SLC30A9: variants seen among roughly 807,000 people sequenced by gnomAD.
SLC30A9 encodes the protein solute carrier family 30 member 9.
In SLC30A9, 58 loss-of-function variants were observed where a neutral mutation model predicts 87.5. The observed-to-expected ratio is 0.66, with a 90% CI of 0.54 to 0.82. The LOEUF (loss-of-function observed/expected upper bound fraction) is 0.82. Among genes scored for constraint, SLC30A9 ranks in the 40% least tolerant of loss-of-function variants. The pLI is 0.00. For synonymous variants in SLC30A9, 234 were observed against 233.0 expected (o/e 1.00, Z -0.04); for missense variants, 557 against 679.1 (o/e 0.82, Z 2.00).
chr4:42,018,984 G>A (rs1464569172), intron 3 of SLC30A9, among the ~76,000 whole-genome samples: 4 of 67,328 alleles, frequency 5.9e-5, no homozygotes, highest in Admixed American at 1.9e-4. Flanking sequence ...TGAAACTCAC[G>A]CAAAAAAAAA....
chr4:42,061,709 C>A (rs1717859469), intron 10 of SLC30A9, among the ~76,000 whole-genome samples: 2 of 151,084 alleles, frequency 1.3e-5, no homozygotes, highest in Admixed American at 6.6e-5. Flanking sequence ...ACCAGCCTGA[C>A]CAACATGGAG....
intron 1 of SLC30A9, among the ~76,000 whole-genome samples, chr4:41,992,255 C>T (rs766304711): frequency 9.9e-5 from 15 of 151,458 alleles, no homozygotes; most frequent in Non-Finnish European, 1.9e-4. Context: ...GTGGGAGGAT[C>T]GCTTGAGCCC....
intron 4 of SLC30A9, 128 bp from the exon 5 acceptor site, chr4:42,022,710 C>T (rs1716024702): frequency 2.1e-6 from 1 of 480,410 alleles, no homozygotes; most frequent in Non-Finnish European, 3.8e-6. Flanking sequence ...CTTTAAAAGC[C>T]ATTCACATCA....
At chr4:42,054,422 C>G (rs1374830638) in intron 9 of SLC30A9, among the ~76,000 whole-genome samples, 1 of 151,494 alleles carries the variant, frequency 6.6e-6, no homozygotes, top group Non-Finnish European at 1.5e-5. Flanking sequence ...AATTTTACCT[C>G]AAAAAAATTC....
intron 2 of SLC30A9, among the ~76,000 whole-genome samples, chr4:42,017,418 AG>A (rs2153134937): frequency 7.0e-6 from 1 of 143,042 alleles, no homozygotes; most frequent in South Asian, 2.2e-4. Flanking sequence ...AGTTTTTCTG[AG>A]TTTTAATTTG....
chr4:42,050,981 G>A (rs560412787), intron 9 of SLC30A9, among the ~76,000 whole-genome samples: 1 of 152,272 alleles, frequency 6.6e-6, no homozygotes, highest in East Asian at 1.9e-4. Flanking sequence ...AGTCTACATA[G>A]GGATTTCCTT....
chr4:42,086,879 C>T lies in SLC30A9; in HGVS notation c.*753C>T, dbSNP rs1428633842. 2 of 152,066 alleles carry T rather than the reference C, an allele frequency of 1.3e-5. No individual in the cohort carries two copies. Among genetic ancestry groups the T allele is most frequent in the East Asian group, 3.9e-4 (2 of 5,190 alleles). The allele number at this position is 152,066 out of a possible 1,614,324, so 9.4% of individuals were successfully genotyped here. A position where few individuals can be genotyped will look rare whatever the true frequency, so the allele number is the denominator to read the frequency against. On this transcript the variant is annotated 3_prime_UTR_variant, in exon 18 of 18. Coordinates refer to ENST00000264451, the MANE Select transcript of SLC30A9 (RefSeq NM_006345.4). ...TATAGTCCTAGATATTTCCATGGGC[C>T]AGTGTGATGACTTTTTTTTAAATGA...
chr4:42,023,030 A>G (rs1365066184), intron 5 of SLC30A9, 100 bp downstream of exon 5: 2 of 696,240 alleles, frequency 2.9e-6, no homozygotes, highest in Non-Finnish European at 4.7e-6. Context: ...GACTTTTTAA[A>G]AACAATATTT....
intron 9 of SLC30A9, among the ~76,000 whole-genome samples, chr4:42,055,949 G>A (rs917953433): frequency 6.6e-6 from 1 of 152,150 alleles, no homozygotes; most frequent in African/African-American, 2.4e-5. Context: ...CAAATGCTCT[G>A]TAGGTTATAT....
chr4:42,007,203 G>T (rs1715245586), intron 2 of SLC30A9, among the ~76,000 whole-genome samples: 1 of 152,140 alleles, frequency 6.6e-6, no homozygotes, highest in African/African-American at 2.4e-5. Flanking sequence ...TTAGGACTTA[G>T]TAATTGAATC....
intron 5 of SLC30A9, 99 bp from the exon 6 acceptor site, chr4:42,023,203 A>T: frequency 1.2e-6 from 1 of 866,342 alleles, no homozygotes; most frequent in Non-Finnish European, 1.9e-6. Flanking sequence ...AGCACCTTAC[A>T]CTTTGTTGTA....
chr4:42,034,999 A>G (rs1716620377), intron 6 of SLC30A9, among the ~76,000 whole-genome samples: 1 of 152,010 alleles, frequency 6.6e-6, no homozygotes, highest in African/African-American at 2.4e-5. Flanking sequence ...GTGATATCTC[A>G]TTGTGGTTTT....
chr4:42,051,863 G>C (rs1185634878), intron 9 of SLC30A9, among the ~76,000 whole-genome samples: 1 of 151,940 alleles, frequency 6.6e-6, no homozygotes, highest in Non-Finnish European at 1.5e-5. Context: ...AATGAGGCTA[G>C]TATAACCCTG....
chr4:42,067,030 G>A (rs981277053), intron 13 of SLC30A9, 55 bp from the exon 14 acceptor site: 8 of 970,564 alleles, frequency 8.2e-6, no homozygotes, highest in Non-Finnish European at 1.3e-5. Context: ...TTACCTGATA[G>A]TATCAAGTTA....
intron 11 of SLC30A9, among the ~76,000 whole-genome samples, chr4:42,064,633 G>A (rs1423981639): frequency 1.3e-5 from 2 of 152,112 alleles, no homozygotes; most frequent in African/African-American, 2.4e-5. Flanking sequence ...CTTTATAGGG[G>A]CAAAGCACTC....
At chr4:42,076,961 C>CAA (rs36152706) in intron 16 of SLC30A9, among the ~76,000 whole-genome samples, 1 of 29,652 alleles carries the variant, frequency 3.4e-5, no homozygotes, top group African/African-American at 7.6e-5. Context: ...GACTCCGTCT[C>CAA]AAAAAAAAAA....
At chr4:42,001,413 A>G (rs1487514388) in intron 1 of SLC30A9, among the ~76,000 whole-genome samples, 2 of 152,040 alleles carry the variant, frequency 1.3e-5, no homozygotes, top group East Asian at 1.9e-4. Flanking sequence ...TAAATATTTT[A>G]TTTGATTTTT....
chr4:42,075,715 G>A lies in SLC30A9; in HGVS notation c.1477G>A (p.Glu493Lys). 6.2e-7 allele frequency: 1 copy of A among 1,613,642 alleles called. No individual in the cohort carries two copies. Among genetic ancestry groups the A allele is most frequent in the Non-Finnish European group, 8.5e-7 (1 of 1,179,698 alleles). Reference protein sequence around the residue: ...LGLGKVRFKAEVDFDGRVVTR... With the variant: ...LGLGKVRFKAKVDFDGRVVTR... ...ATTAGGTAAAGTAAGATTTAAGGCA[G>A]AAGTAGATTTTGATGGGCGAGTTGT... is the stretch of plus-strand genomic sequence containing the variant. The change falls in exon 16 of 18, where the codon GAA becomes AAA. Residue 493 changes from glutamate (E) to lysine (K), a missense_variant. Glu to Lys is a moderately conservative substitution (Grantham distance 56, BLOSUM62 1). This residue lies in a region of SLC30A9 where 90 missense variants were observed against 149.4 expected (regional missense o/e 0.60). Transcript: ENST00000264451.
chr4:42,053,360 C>T (rs1164647608), intron 9 of SLC30A9, among the ~76,000 whole-genome samples: 1 of 151,948 alleles, frequency 6.6e-6, no homozygotes, highest in Non-Finnish European at 1.5e-5. Flanking sequence ...AAGTATTTAC[C>T]CAAGGGAAGT....
Sources: allele counts gnomAD v4.1 joint callset (sites outside exome capture counted in the v4.1 genomes callset), GRCh38; gene constraint gnomAD v4.1.1; regional missense constraint gnomAD v4.1.1; transcripts MANE v1.5; gene names NCBI Gene and HGNC (gene_info 2026-07-23, HGNC 2026-07-21).